Variants in ZFHX3 observed in about 807,000 individuals in gnomAD.
ZFHX3 encodes the protein zinc finger homeobox 3.
Under a neutral mutation model 279.1 loss-of-function variants are expected in ZFHX3, and 42 were observed. That is an observed-to-expected ratio of 0.15 (90% CI 0.12 to 0.19). The LOEUF is 0.19. Among genes scored for constraint, ZFHX3 ranks in the 10% least tolerant of loss-of-function variants. The probability of loss-of-function intolerance (pLI) is 1.00; values close to 1 mark genes in which losing one functional copy is unlikely to be tolerated. For synonymous variants in ZFHX3, 2,293 were observed against 1,957.8 expected, an observed-to-expected ratio of 1.17 and a Z score of -4.52; for missense variants, 4,981 against 4,754.0, an observed-to-expected ratio of 1.05 and a Z score of -1.40.
intron 4 of ZFHX3, among the ~76,000 whole-genome samples, chr16:72,867,734 A>AAAG (rs748706255): frequency 2.5e-5 from 3 of 121,704 alleles, no homozygotes; most frequent in Admixed American, 2.4e-4. Context: ...AAAAAAAAAA[A>AAAG]AAGAAGAAGA....
intron 5 of ZFHX3, among the ~76,000 whole-genome samples, chr16:73,204,296 T>G (rs2011715792): frequency 6.6e-6 from 1 of 150,832 alleles, no homozygotes; most frequent in South Asian, 2.1e-4. Flanking sequence ...TATTATTATA[T>G]TCATTATAAT....
At chr16:73,398,875 G>GT (rs1597318337) in intron 3 of ZFHX3, among the ~76,000 whole-genome samples, 3 of 150,906 alleles carry the variant, frequency 2.0e-5, no homozygotes, top group South Asian at 2.1e-4. Flanking sequence ...GTTTTGTTTT[G>GT]TTTTTTTGAG....
At chr16:73,071,065 T>G (rs1965821356) in intron 8 of ZFHX3, among the ~76,000 whole-genome samples, 2 of 121,950 alleles carry the variant, frequency 1.6e-5, no homozygotes, top group South Asian at 6.4e-4. Flanking sequence ...CTGTGGCCAT[T>G]GAGCCCTCAC....
chr16:73,016,582 T>C (rs1218745357), intron 1 of ZFHX3, among the ~76,000 whole-genome samples: 1 of 152,174 alleles, frequency 6.6e-6, no homozygotes, highest in African/African-American at 2.4e-5. Context: ...CTGATGCCTC[T>C]CAAAATAATA....
intron 1 of ZFHX3, among the ~76,000 whole-genome samples, chr16:73,877,392 GA>G (rs1240592241): frequency 6.6e-6 from 1 of 152,028 alleles, no homozygotes; most frequent in Non-Finnish European, 1.5e-5. Flanking sequence ...TACCAAATGA[GA>G]AAAATGTCAG....
intron 1 of ZFHX3, among the ~76,000 whole-genome samples, chr16:73,781,494 C>A (rs972755312): frequency 1.3e-5 from 2 of 152,174 alleles, no homozygotes; most frequent in African/African-American, 4.8e-5. Flanking sequence ...CCACACTCAT[C>A]ATTTGCATAA....
In ZFHX3 at chr16:73,096,569, A is replaced by ATT. The variant is rs34575437; in HGVS notation, c.-896-2973_-896-2972dup. Among the ~76,000 whole-genome samples, 80 of 140,322 alleles carry ATT rather than the reference A, an allele frequency of 5.7e-4. 1 individual carries two copies. Among genetic ancestry groups the ATT allele is most frequent in the South Asian group, 1.9e-3 (8 of 4,268 alleles). The allele number at this position is 140,322 out of a possible 152,430, so 92.1% of individuals were successfully genotyped here. On this transcript the variant is annotated intron_variant, in intron 7 of 17. Transcript: ENST00000641206. ...AGGTGTGCACCATGAAGCCCAGCTA[A>ATT]TTTTTTTTTTTTTTTTAGTAGAGAC...
intron 3 of ZFHX3, among the ~76,000 whole-genome samples, chr16:73,318,636 A>G (rs1190567840): frequency 6.6e-6 from 1 of 152,176 alleles, no homozygotes; most frequent in East Asian, 1.9e-4. Flanking sequence ...AGAAACCTCA[A>G]AGTAATTTTT....
chr16:73,853,269 A>G (rs886851853), intron 1 of ZFHX3, among the ~76,000 whole-genome samples: 3 of 152,238 alleles, frequency 2.0e-5, no homozygotes, highest in African/African-American at 7.2e-5. Context: ...CAATACAGAG[A>G]TTTCTCAAAG....
intron 2 of ZFHX3, among the ~76,000 whole-genome samples, chr16:73,525,904 G>A (rs752872332): frequency 2.0e-5 from 3 of 152,156 alleles, no homozygotes; most frequent in Non-Finnish European, 4.4e-5. Context: ...ACAAAAGCAG[G>A]TGAGAGCCAG....
At chr16:73,834,944 A>G (rs868033420) in intron 1 of ZFHX3, among the ~76,000 whole-genome samples, 1 of 152,148 alleles carries the variant, frequency 6.6e-6, no homozygotes, top group Non-Finnish European at 1.5e-5. Flanking sequence ...TCCATTTAAC[A>G]GTGCACAAAT....
chr16:73,624,635 T>C (rs1267868165), intron 2 of ZFHX3, among the ~76,000 whole-genome samples: 2 of 106,450 alleles, frequency 1.9e-5, no homozygotes, highest in African/African-American at 5.3e-5. Flanking sequence ...AAAGAATCTA[T>C]CCCCCAGAAA....
chr16:73,102,464 G>A (rs1167366716), intron 7 of ZFHX3, among the ~76,000 whole-genome samples: 1 of 152,190 alleles, frequency 6.6e-6, no homozygotes, highest in Non-Finnish European at 1.5e-5. Flanking sequence ...ATAGGACCTT[G>A]TATATGGTGC....
chr16:73,253,127 G>A (rs892291619), intron 5 of ZFHX3, among the ~76,000 whole-genome samples: 2 of 152,130 alleles, frequency 1.3e-5, no homozygotes, highest in Non-Finnish European at 2.9e-5. Flanking sequence ...TCAACCCCAT[G>A]GGACTCCTCT....
chr16:73,330,071 A>G (rs2143223811), intron 3 of ZFHX3, among the ~76,000 whole-genome samples: 1 of 152,284 alleles, frequency 6.6e-6, no homozygotes, highest in South Asian at 2.1e-4. Context: ...CAGACCTTTG[A>G]CAAGCCCAGA....
rs1438852081 is a variant in ZFHX3 at position 72,787,554 on chromosome 16, G to C, written c.10722C>G (p.His3574Gln). The change falls in exon 10 of 10, where the codon CAC (histidine) becomes CAG (glutamine). Residue 3574 changes from histidine to glutamine, a missense_variant. His to Gln is a conservative substitution (Grantham distance 24). Around this residue, in one of 7 missense-constraint regions of ZFHX3, gnomAD observed 1,034 missense variants for 786.0 expected, o/e 1.32. Transcript: ENST00000268489. Reference sequence around the variant, plus strand: ...TGCTAGGATCGGGGAAGCAGGCAGAGTGAGGTAATAAACTAGGGTGCTCTT... The same window carrying C: ...TGCTAGGATCGGGGAAGCAGGCAGACTGAGGTAATAAACTAGGGTGCTCTT... ...NAKEHPSLLP[H>Q]SACFPDPSTA... 1.9e-6 allele frequency: 3 copies of C among 1,614,072 alleles called. No individual in the cohort carries two copies. In the Admixed American group the frequency reaches 5.0e-5, roughly 27 times the overall value.
In ZFHX3 at chr16:73,718,399, A is replaced by G. The variant is rs763822320; in HGVS notation, c.-1607-38159T>C. 3.9e-4 allele frequency among the ~76,000 whole-genome samples: 60 copies of G among 152,102 alleles called. No individual in the cohort carries two copies. In the Middle Eastern group the frequency reaches 0.017, roughly 43 times the overall value. On this transcript the variant is annotated intron_variant, in intron 1 of 17. Coordinates refer to the ZFHX3 transcript ENST00000641206. Reference sequence around the variant, plus strand: ...ACACTCCAGCCTGGGTGAAAGAGCGAGACTCTGTCTCAAAAAATAAAACTA... The same window carrying G: ...ACACTCCAGCCTGGGTGAAAGAGCGGGACTCTGTCTCAAAAAATAAAACTA...
At position 72,787,730 on chromosome 16, in the gene ZFHX3, C is replaced by T. The variant is rs755941465; in HGVS notation, c.10546G>A (p.Gly3516Ser). Residue 3516 changes from glycine (G) to serine (S), a missense_variant, in exon 10 of 10, where the codon GGC becomes AGC. Gly to Ser is a moderately conservative substitution (Grantham distance 56). Around this residue, in one of 7 missense-constraint regions of ZFHX3, gnomAD observed 1,034 missense variants for 786.0 expected, o/e 1.32. Transcript: ENST00000268489. ...TGGGGGGSGG[G>S]GGGGGGGGGG... ...CCGCCGCCGCCGCCACCGCCGCCGCCGCCGCCACTGCCACCGCCGCCGCCG... is the reference window on the plus strand; with the variant it reads ...CCGCCGCCGCCGCCACCGCCGCCGCTGCCGCCACTGCCACCGCCGCCGCCG... 4.3e-6 allele frequency: 6 copies of T among 1,399,948 alleles called. No homozygotes were observed. Among genetic ancestry groups the T allele is most frequent in the South Asian group, 4.0e-5 (2 of 49,746 alleles). The allele number at this position is 1,399,948 out of a possible 1,614,324, so 86.7% of individuals were successfully genotyped here.
chr16:73,248,019 T>C (rs2144951973), intron 5 of ZFHX3, among the ~76,000 whole-genome samples: 2 of 151,722 alleles, frequency 1.3e-5, no homozygotes, highest in South Asian at 4.2e-4. Flanking sequence ...ACTATGTATA[T>C]AATGTGTGTG....
Sources: allele counts gnomAD v4.1 joint callset (sites outside exome capture counted in the v4.1 genomes callset), GRCh38; gene constraint gnomAD v4.1.1; regional missense constraint gnomAD v4.1.1; transcripts MANE v1.5; gene names NCBI Gene and HGNC (gene_info 2026-07-23, HGNC 2026-07-21).